Variants in MATN2 observed in about 807,000 individuals in gnomAD.
MATN2 encodes matrilin-2.
Under a neutral mutation model 103.2 loss-of-function variants are expected in MATN2, and 69 were observed. The ratio of observed to expected loss-of-function variants is 0.67; its 90% CI spans 0.55 to 0.82. The LOEUF is 0.82. Among genes scored for constraint, MATN2 ranks in the 40% least tolerant of loss-of-function variants. The pLI, the probability that MATN2 is intolerant of heterozygous loss-of-function variation, is 0.00. For missense variants in MATN2, 1,023 were observed against 1,211.5 expected, an observed-to-expected ratio of 0.84 and a Z score of 2.31; for synonymous variants, 429 against 450.2, an observed-to-expected ratio of 0.95 and a Z score of 0.60.
intron 13 of MATN2, chr8:98,025,573 C>T (rs1357536713): frequency 1.1e-5 from 3 of 273,012 alleles, no homozygotes; most frequent in African/African-American, 7.0e-5. Flanking sequence ...TGGTGAAACC[C>T]CGTCTCTACT....
At chr8:98,020,732 C>T (rs1015351973) in intron 12 of MATN2, among the ~76,000 whole-genome samples, 7 of 152,148 alleles carry the variant, frequency 4.6e-5, no homozygotes, top group African/African-American at 1.2e-4. Flanking sequence ...GCCAGATGAC[C>T]GTGGGCAGCA....
intron 1 of MATN2, among the ~76,000 whole-genome samples, chr8:97,874,254 G>A (rs1304545355): frequency 2.0e-5 from 3 of 152,092 alleles, no homozygotes; most frequent in African/African-American, 7.2e-5. Flanking sequence ...GTGTCAGCAG[G>A]GAGAATTTGT....
At chr8:97,890,072 C>T (rs761747523) in intron 2 of MATN2, among the ~76,000 whole-genome samples, 10 of 152,176 alleles carry the variant, frequency 6.6e-5, no homozygotes, top group Non-Finnish European at 8.8e-5. Context: ...CACAACCTAT[C>T]TTTCCCACCC....
At chr8:97,971,963 AG>A (rs1811666057) in intron 5 of MATN2, among the ~76,000 whole-genome samples, 1 of 151,976 alleles carries the variant, frequency 6.6e-6, no homozygotes, top group Admixed American at 6.6e-5. Flanking sequence ...CGGGAGGCCA[AG>A]GCGGGCAGAT....
At chr8:97,881,605 A>G (rs964230670) in intron 1 of MATN2, among the ~76,000 whole-genome samples, 2 of 152,194 alleles carry the variant, frequency 1.3e-5, no homozygotes, top group African/African-American at 4.8e-5. Flanking sequence ...ATCTGTTCGG[A>G]CTGAATTAAC....
intron 1 of MATN2, among the ~76,000 whole-genome samples, chr8:97,877,380 G>A (rs1225833673): frequency 6.6e-6 from 1 of 151,960 alleles, no homozygotes; most frequent in Non-Finnish European, 1.5e-5. Context: ...TGGAGGCTGA[G>A]GCAGGAGAAT....
At chr8:97,908,055 T>C (rs893262298) in intron 2 of MATN2, among the ~76,000 whole-genome samples, 2 of 152,076 alleles carry the variant, frequency 1.3e-5, no homozygotes, top group Non-Finnish European at 2.9e-5. Context: ...TGGTAAAAGA[T>C]GGGCCAAGGA....
intron 5 of MATN2, among the ~76,000 whole-genome samples, chr8:97,964,895 GC>G (rs1251755393): frequency 6.6e-6 from 1 of 151,790 alleles, no homozygotes; most frequent in Non-Finnish European, 1.5e-5. Flanking sequence ...CACACGTCTG[GC>G]TAATTTTTTG....
chr8:97,879,646 C>T (rs146735926), intron 1 of MATN2, among the ~76,000 whole-genome samples: 4 of 152,182 alleles, frequency 2.6e-5, no homozygotes, highest in Admixed American at 6.5e-5. Context: ...ACAGAGGACA[C>T]GTGGAAGCTG....
rs764305652 is a variant in MATN2, at chr8:98,035,717, T to G, written c.*5T>G. The G allele has an allele frequency of 2.5e-6, 4 of 1,592,576 alleles. No individual in the cohort carries two copies. Among genetic ancestry groups the G allele is most frequent in the Non-Finnish European group, 3.4e-6 (4 of 1,165,266 alleles). On this transcript the variant is annotated 3_prime_UTR_variant, in exon 19 of 19. Transcript: ENST00000254898. Reference sequence around the variant, plus strand: ...AATCGCCTGAGATACAGATGAAGATTAGAAATCGCGACACATTTGTAGTCA... The same window carrying G: ...AATCGCCTGAGATACAGATGAAGATGAGAAATCGCGACACATTTGTAGTCA...
At chr8:97,964,446 T>C (rs1811418869) in intron 5 of MATN2, among the ~76,000 whole-genome samples, 2 of 149,480 alleles carry the variant, frequency 1.3e-5, no homozygotes, top group African/African-American at 4.8e-5. Context: ...GTTGGCCCAA[T>C]TCTTTTTTTT....
At chr8:98,035,085 C>T (rs11997471) in intron 18 of MATN2, among the ~76,000 whole-genome samples, 3,197 of 152,024 alleles carry the variant, frequency 0.021, 113 homozygotes, top group African/African-American at 0.072. Flanking sequence ...AGGCCGGGCA[C>T]GGTGGCTCAC....
At chr8:97,908,361 G>A (rs1300150580) in intron 2 of MATN2, among the ~76,000 whole-genome samples, 1 of 152,082 alleles carries the variant, frequency 6.6e-6, no homozygotes, top group Non-Finnish European at 1.5e-5. Context: ...TATAATCCCA[G>A]AACTTTGGGA....
At chr8:97,890,116 C>T (rs1188785116) in intron 2 of MATN2, among the ~76,000 whole-genome samples, 1 of 152,134 alleles carries the variant, frequency 6.6e-6, no homozygotes, top group East Asian at 1.9e-4. Flanking sequence ...GTTTTCACTC[C>T]GTGAGCTGTG....
chr8:98,034,148 G>GC, intron 18 of MATN2: 1 of 455,748 alleles, frequency 2.2e-6, no homozygotes, highest in Non-Finnish European at 4.4e-6. Flanking sequence ...GACAGGAGTG[G>GC]TTTTTTCTTT....
chr8:97,956,755 T>C (rs1286110655), intron 4 of MATN2, among the ~76,000 whole-genome samples: 1 of 152,118 alleles, frequency 6.6e-6, no homozygotes, highest in Non-Finnish European at 1.5e-5. Context: ...CTGAGCCCTC[T>C]TCTGGTGTGT....
intron 13 of MATN2, among the ~76,000 whole-genome samples, chr8:98,026,054 C>G (rs1448640585): frequency 6.6e-6 from 1 of 151,792 alleles, no homozygotes; most frequent in East Asian, 2.0e-4. Context: ...TAGCGTGTGC[C>G]TGTAATCCCG....
At position 98,003,700 on chromosome 8, in the gene MATN2, A is replaced by G. The variant is rs1350006556; in HGVS notation, c.1244A>G (p.His415Arg). ...YCALNKPGCE[H>R]ECVNMEESYY... Reference sequence around the variant, plus strand: ...GCACTGAACAAACCGGGCTGTGAGCATGAGTGCGTCAACATGGAGGAGAGC... The same window carrying G: ...GCACTGAACAAACCGGGCTGTGAGCGTGAGTGCGTCAACATGGAGGAGAGC... The change falls in exon 8 of 19, where the codon CAT becomes CGT. Residue 415 changes from histidine to arginine, a missense_variant. By Grantham distance (29) the His-to-Arg change is conservative. Transcript: ENST00000254898. 6.8e-6 allele frequency: 11 copies of G among 1,613,774 alleles called. No homozygotes were observed. The highest frequency in any genetic ancestry group is 1.1e-5 in the South Asian group (1 of 91,094).
At chr8:98,020,587 T>C (rs546976665) in intron 12 of MATN2, among the ~76,000 whole-genome samples, 13 of 152,366 alleles carry the variant, frequency 8.5e-5, no homozygotes, top group African/African-American at 3.1e-4. Context: ...TCACCATTCC[T>C]GCTTCCTAGA....
Sources: gnomAD v4.1 joint callset for allele counts (sites outside exome capture counted in the v4.1 genomes callset) on GRCh38, gnomAD v4.1.1 for gene constraint, MANE v1.5 for transcripts, NCBI Gene and HGNC (gene_info 2026-07-23, HGNC 2026-07-21) for gene names.